AOAH: variants seen among roughly 807,000 people sequenced by gnomAD.
AOAH encodes acyloxyacyl hydrolase.
AOAH carries 64 observed loss-of-function variants against 92.2 expected under a neutral mutation model. The ratio of observed to expected loss-of-function variants is 0.69; its 90% confidence interval spans 0.57 to 0.86. The LOEUF (loss-of-function observed/expected upper bound fraction) is 0.86. Ranked by LOEUF, AOAH falls within the 40% of genes least tolerant of loss-of-function variation. The pLI is 0.00. For synonymous variants in AOAH, 263 were observed against 254.5 expected, an observed-to-expected ratio of 1.03 and a Z score of -0.32; for missense variants, 656 against 694.6, an observed-to-expected ratio of 0.94 and a Z score of 0.62.
At chr7:36,519,831 T>G (rs1178974915) in intron 20 of AOAH, among the ~76,000 whole-genome samples, 1 of 152,260 alleles carries the variant, frequency 6.6e-6, no homozygotes, top group Non-Finnish European at 1.5e-5. Flanking sequence ...TATATTTAAT[T>G]GTCTGTTTAC....
At chr7:36,602,565 A>G (rs1790691764) in intron 11 of AOAH, among the ~76,000 whole-genome samples, 1 of 151,738 alleles carries the variant, frequency 6.6e-6, no homozygotes, top group South Asian at 2.1e-4. Flanking sequence ...ATTCTTTTCT[A>G]AGGCCATTGA....
At chr7:36,592,011 C>A (rs1562599485) in intron 12 of AOAH, among the ~76,000 whole-genome samples, 1 of 152,058 alleles carries the variant, frequency 6.6e-6, no homozygotes, top group Non-Finnish European at 1.5e-5. Context: ...TCTTTTATGG[C>A]AACTTCATGG....
At chr7:36,641,325 C>T (rs183495783) in intron 4 of AOAH, among the ~76,000 whole-genome samples, 1 of 152,162 alleles carries the variant, frequency 6.6e-6, no homozygotes, top group African/African-American at 2.4e-5. Flanking sequence ...TCTAGAAGCC[C>T]CCCCTCCTCA....
chr7:36,642,140 T>C (rs1793957454), intron 4 of AOAH, among the ~76,000 whole-genome samples: 1 of 152,058 alleles, frequency 6.6e-6, no homozygotes, highest in African/African-American at 2.4e-5. Flanking sequence ...TCATTGCAGG[T>C]GTAATTATTA....
chr7:36,678,600 T>C (rs12113872), intron 2 of AOAH, among the ~76,000 whole-genome samples: 52,338 of 130,420 alleles, frequency 0.4, 11,350 homozygotes, highest in African/African-American at 0.58. Context: ...TGTGTGTGTG[T>C]GCGCGCGCGC....
At chr7:36,540,529 G>T (rs746971390) in intron 15 of AOAH, 38 bp from the exon 16 acceptor site, 1 of 1,579,860 alleles carries the variant, frequency 6.3e-7, no homozygotes, top group African/African-American at 1.3e-5. Context: ...TTGGTTGATT[G>T]TAAGGATAGA....
chr7:36,689,342 G>C (rs1284099387), intron 1 of AOAH, among the ~76,000 whole-genome samples: 1 of 152,162 alleles, frequency 6.6e-6, no homozygotes, highest in Non-Finnish European at 1.5e-5. Context: ...AAATACCTGA[G>C]ACTGTGTAAT....
chr7:36,599,754 A>C (rs978289226), intron 11 of AOAH: 2 of 152,224 alleles, frequency 1.3e-5, no homozygotes, highest in Admixed American at 6.5e-5. Context: ...TAGCGTTGGA[A>C]CCATGGGTCT....
At chr7:36,515,866 C>T (rs1783657148) in intron 20 of AOAH, among the ~76,000 whole-genome samples, 1 of 127,014 alleles carries the variant, frequency 7.9e-6, no homozygotes, top group South Asian at 2.8e-4. Context: ...CATACAGAAA[C>T]ACCACACACA....
chr7:36,640,593 T>A (rs1364007022), intron 4 of AOAH, among the ~76,000 whole-genome samples: 1 of 152,060 alleles, frequency 6.6e-6, no homozygotes, highest in Non-Finnish European at 1.5e-5. Flanking sequence ...CCCAGGGTTG[T>A]CTGCAGCCTT....
intron 4 of AOAH, among the ~76,000 whole-genome samples, chr7:36,649,568 A>G (rs1794442054): frequency 6.6e-6 from 1 of 152,218 alleles, no homozygotes; most frequent in South Asian, 2.1e-4. Flanking sequence ...ATAGCCAATC[A>G]TCTATCGCCT....
chr7:36,522,187 G>C, intron 19 of AOAH, 72 bp from the exon 20 acceptor site: 1 of 1,445,736 alleles, frequency 6.9e-7, no homozygotes, highest in East Asian at 2.3e-5. Context: ...GGACAAGGAC[G>C]TGAGAACTGC....
intron 11 of AOAH, among the ~76,000 whole-genome samples, chr7:36,613,133 C>T (rs768099957): frequency 5.3e-5 from 8 of 152,086 alleles, no homozygotes; most frequent in Non-Finnish European, 1.0e-4. Flanking sequence ...TTTTCTGACT[C>T]TTTGAATGAC....
chr7:36,587,351 A>G (rs1789418054), intron 12 of AOAH, among the ~76,000 whole-genome samples: 1 of 152,028 alleles, frequency 6.6e-6, no homozygotes, highest in South Asian at 2.1e-4. Flanking sequence ...AGGGAGGAGC[A>G]CTTCAGTATC....
Position 36,532,091 on chromosome 7 carries a change from C to A in AOAH, c.1425+56G>T. 4 of 1,598,514 alleles carry A rather than the reference C, an allele frequency of 2.5e-6. No individual in the cohort carries two copies. In the South Asian group the frequency reaches 4.4e-5, roughly 18 times the overall value. On this transcript the variant is annotated intron_variant, in intron 18 of 20. Transcript: ENST00000617537. ...CCCATCCCCAGTGAAAACTCTGCAG[C>A]AAACACAGGGAAAGAATGATCAAAG...
At chr7:36,556,614 A>C (rs1418150157) in intron 13 of AOAH, among the ~76,000 whole-genome samples, 1 of 146,778 alleles carries the variant, frequency 6.8e-6, no homozygotes, top group African/African-American at 2.5e-5. Flanking sequence ...ATTGTGTGGG[A>C]GTCTAAGTCT....
chr7:36,613,470 A>G (rs1209412391), intron 11 of AOAH, among the ~76,000 whole-genome samples: 1 of 152,144 alleles, frequency 6.6e-6, no homozygotes. Flanking sequence ...AACTCAAGAA[A>G]ATTATCTTGT....
intron 12 of AOAH, among the ~76,000 whole-genome samples, chr7:36,583,268 A>G (rs1431828748): frequency 6.6e-6 from 1 of 152,196 alleles, no homozygotes; most frequent in Non-Finnish European, 1.5e-5. Flanking sequence ...AAATTAGGAT[A>G]AACTTGGGTA....
chr7:36,654,803 C>T (rs1440946710), intron 4 of AOAH, among the ~76,000 whole-genome samples: 1 of 152,140 alleles, frequency 6.6e-6, no homozygotes, highest in Non-Finnish European at 1.5e-5. Context: ...CTCAGTGAGG[C>T]AGAGAGCACG....
Sources: allele counts gnomAD v4.1 joint callset (sites outside exome capture counted in the v4.1 genomes callset), GRCh38; gene constraint gnomAD v4.1.1; transcripts MANE v1.5; gene names NCBI Gene and HGNC (gene_info 2026-07-23, HGNC 2026-07-21).